The following EPHA4 variants were observed in gnomAD, a reference collection of about 807,000 sequenced individuals.
EPHA4 encodes ephrin type-A receptor 4.
A neutral mutation model predicts 108.3 loss-of-function variants in EPHA4; 19 were observed. The ratio of observed to expected loss-of-function variants is 0.18; its 90% CI spans 0.12 to 0.26. The LOEUF is 0.26. EPHA4 is among the 10% of genes least tolerant of loss of function. The probability of loss-of-function intolerance (pLI) is 1.00; values close to 1 mark genes in which losing one functional copy is unlikely to be tolerated. For synonymous variants in EPHA4, 449 were observed against 455.5 expected (o/e 0.99, Z 0.18); for missense variants, 917 against 1,254.0 (o/e 0.73, Z 4.06).
At chr2:221,520,397 C>CA (rs1559277010) in intron 3 of EPHA4, among the ~76,000 whole-genome samples, 2 of 152,126 alleles carry the variant, frequency 1.3e-5, no homozygotes, top group African/African-American at 4.8e-5. Context: ...TCTGTATACA[C>CA]AGCACTTCTG....
chr2:221,568,105 T>C (rs1042711335), intron 2 of EPHA4, among the ~76,000 whole-genome samples: 7 of 152,230 alleles, frequency 4.6e-5, no homozygotes, highest in Non-Finnish European at 7.3e-5. Context: ...TCCAGACTAC[T>C]CAATCCCCAA....
At chr2:221,492,270 C>T (rs1264195871) in intron 4 of EPHA4, among the ~76,000 whole-genome samples, 2 of 151,852 alleles carry the variant, frequency 1.3e-5, no homozygotes, top group East Asian at 1.9e-4. Context: ...TAGTGTCCCT[C>T]GAATCTTTGC....
At chr2:221,471,771 A>T (rs1057510725) in intron 5 of EPHA4, among the ~76,000 whole-genome samples, 1 of 152,204 alleles carries the variant, frequency 6.6e-6, no homozygotes. Context: ...GGCTGTAAAC[A>T]CAGTGTATGC....
chr2:221,428,899 C>CT (rs981811822), intron 15 of EPHA4, among the ~76,000 whole-genome samples: 14 of 152,016 alleles, frequency 9.2e-5, no homozygotes, highest in East Asian at 1.9e-4. Flanking sequence ...CCACAGTTCT[C>CT]TTTTTTTTCA....
intron 17 of EPHA4, among the ~76,000 whole-genome samples, chr2:221,424,966 C>T (rs1329299568): frequency 1.3e-5 from 2 of 150,058 alleles, no homozygotes; most frequent in Admixed American, 6.6e-5. Flanking sequence ...TAGGACCATC[C>T]CTCAGAGCCT....
Position 221,566,885 on chromosome 2 carries a change from AGAAGGAGAAGGAGAAGG to A in EPHA4, c.159+1816_159+1832del, listed in dbSNP as rs1694662105. ...AAGAAGAAGAAGAAGAAGGAGAAGGAGAAGGAGAAGGAGAAGGAGAAGGAGAAGGAGAAGGAGAAGGA... is the reference window on the plus strand; with the variant it reads ...AAGAAGAAGAAGAAGAAGGAGAAGGAAGAAGGAGAAGGAGAAGGAGAAGGA... On this transcript the variant is annotated intron_variant, in intron 2 of 17. Transcript: ENST00000281821. Among the ~76,000 whole-genome samples the A allele has an allele frequency of 7.0e-5, 2 of 28,610 alleles. 1 individual carries two copies. The highest frequency in any genetic ancestry group is 1.2e-4 in the Non-Finnish European group (2 of 16,698). The allele number at this position is 28,610 out of a possible 152,430, so 18.8% of individuals were successfully genotyped here. A position where few individuals can be genotyped will look rare whatever the true frequency, so the allele number is the denominator to read the frequency against.
chr2:221,549,078 T>C (rs1413218125), intron 3 of EPHA4, among the ~76,000 whole-genome samples: 2 of 152,134 alleles, frequency 1.3e-5, no homozygotes, highest in East Asian at 3.9e-4. Flanking sequence ...GGTGCTCCTT[T>C]TAAGAAACAC....
chr2:221,558,808 G>C (rs1191230718), intron 3 of EPHA4, among the ~76,000 whole-genome samples: 1 of 152,020 alleles, frequency 6.6e-6, no homozygotes, highest in Non-Finnish European at 1.5e-5. Flanking sequence ...CTCTCTTATA[G>C]ATAAAGAATT....
Position 221,446,149 on chromosome 2 carries a change from GCTT to G in EPHA4, c.1745_1747del (p.Glu582del). On this transcript the variant is annotated inframe_deletion, in exon 9 of 18. Coordinates refer to ENST00000281821, the MANE Select transcript of EPHA4 (RefSeq NM_004438.5). ...TTGATTCAAATGTTTCTCTTCATCC[GCTT>G]CTTGTTTGGCTTTACTGTATTTACT... is the stretch of plus-strand genomic sequence containing the variant. 7 of 1,544,822 alleles carry G rather than the reference GCTT, an allele frequency of 4.5e-6. 1 individual carries two copies. In the South Asian group the frequency reaches 9.0e-5, roughly 20 times the overall value.
intron 4 of EPHA4, among the ~76,000 whole-genome samples, chr2:221,491,844 T>C (rs551849140): frequency 5.3e-5 from 8 of 152,062 alleles, no homozygotes; most frequent in Admixed American, 3.9e-4. Flanking sequence ...TAAATCTAAA[T>C]GTTGATAGCA....
chr2:221,531,290 G>A (rs1159095155), intron 3 of EPHA4, among the ~76,000 whole-genome samples: 2 of 152,090 alleles, frequency 1.3e-5, no homozygotes, highest in African/African-American at 4.8e-5. Flanking sequence ...CCACCTCAAT[G>A]CCTCTGAAAT....
At chr2:221,468,519 C>T (rs1320409532) in intron 5 of EPHA4, among the ~76,000 whole-genome samples, 2 of 152,186 alleles carry the variant, frequency 1.3e-5, no homozygotes, top group African/African-American at 4.8e-5. Flanking sequence ...GCTAATCGTC[C>T]TGCTGTGTTA....
chr2:221,526,485 A>G (rs1038906272), intron 3 of EPHA4, among the ~76,000 whole-genome samples: 1 of 151,724 alleles, frequency 6.6e-6, no homozygotes, highest in African/African-American at 2.4e-5. Flanking sequence ...CCTGATATAC[A>G]CGTCTCAAAG....
intron 5 of EPHA4, among the ~76,000 whole-genome samples, chr2:221,474,784 G>A (rs949375105): frequency 3.9e-5 from 6 of 152,050 alleles, no homozygotes; most frequent in Non-Finnish European, 8.8e-5. Context: ...TTTCTTAGGG[G>A]TAAGGAAAAA....
chr2:221,536,579 A>G (rs1010606191), intron 3 of EPHA4, among the ~76,000 whole-genome samples: 9 of 152,342 alleles, frequency 5.9e-5, no homozygotes, highest in Non-Finnish European at 1.2e-4. Context: ...TGCTTCATCC[A>G]TGAAGTCATT....
chr2:221,551,850 C>G (rs575059656), intron 3 of EPHA4, among the ~76,000 whole-genome samples: 116 of 151,694 alleles, frequency 7.6e-4, no homozygotes, highest in Non-Finnish European at 1.6e-3. Context: ...TTTTTTCTTA[C>G]AAAAACAACC....
chr2:221,483,819 C>CA (rs887844913), intron 4 of EPHA4, among the ~76,000 whole-genome samples: 6 of 151,784 alleles, frequency 4.0e-5, no homozygotes, highest in Middle Eastern at 3.4e-3. Context: ...CTTAATAGGG[C>CA]AAAAAAATTG....
intron 5 of EPHA4, among the ~76,000 whole-genome samples, chr2:221,461,076 G>A (rs2115886): frequency 0.045 from 6,887 of 152,276 alleles, 525 homozygotes; most frequent in African/African-American, 0.16. Flanking sequence ...TCCAAGGATT[G>A]TTAAAAATGG....
At chr2:221,459,806 G>T (rs1488059195) in intron 5 of EPHA4, among the ~76,000 whole-genome samples, 1 of 152,128 alleles carries the variant, frequency 6.6e-6, no homozygotes, top group Admixed American at 6.6e-5. Context: ...ATTGAGAAAT[G>T]AAACAGAAAA....
Sources: allele counts gnomAD v4.1 joint callset (sites outside exome capture counted in the v4.1 genomes callset), GRCh38; gene constraint gnomAD v4.1.1; transcripts MANE v1.5; gene names NCBI Gene and HGNC (gene_info 2026-07-23, HGNC 2026-07-21).